Variants in CADPS observed in about 807,000 individuals in gnomAD.
CADPS encodes calcium-dependent secretion activator 1.
A neutral mutation model predicts 167.3 loss-of-function variants in CADPS; 57 were observed. The ratio of observed to expected loss-of-function variants is 0.34; its 90% CI spans 0.28 to 0.42. The LOEUF (loss-of-function observed/expected upper bound fraction) is 0.42, where lower values mean the gene tolerates loss of function less well. Ranked by LOEUF, CADPS falls within the 20% of genes least tolerant of loss-of-function variation. CADPS has a pLI of 1.00. For missense variants in CADPS, 1,414 were observed against 1,738.1 expected, an observed-to-expected ratio of 0.81 and a Z score of 3.32; for synonymous variants, 676 against 635.3, an observed-to-expected ratio of 1.06 and a Z score of -0.96.
intron 2 of CADPS, among the ~76,000 whole-genome samples, chr3:62,757,802 A>T (rs1231083724): frequency 3.9e-5 from 6 of 152,222 alleles, no homozygotes; most frequent in Non-Finnish European, 7.3e-5. Context: ...GGGAGGCCTC[A>T]CAATCATGGT....
At chr3:62,695,968 C>G (rs952831075) in intron 3 of CADPS, among the ~76,000 whole-genome samples, 4 of 152,022 alleles carry the variant, frequency 2.6e-5, no homozygotes, top group Non-Finnish European at 5.9e-5. Context: ...AACGCTCCCA[C>G]GTATACACGT....
chr3:62,698,582 T>C (rs947026729), intron 3 of CADPS, among the ~76,000 whole-genome samples: 2 of 152,036 alleles, frequency 1.3e-5, no homozygotes, highest in Non-Finnish European at 2.9e-5. Flanking sequence ...TTTCCTTAAG[T>C]AGAGTCATCA....
At chr3:62,770,729 A>T (rs1047778061) in intron 1 of CADPS, among the ~76,000 whole-genome samples, 1 of 152,202 alleles carries the variant, frequency 6.6e-6, no homozygotes. Context: ...CCCAATCGGT[A>T]TAAGAGATTC....
chr3:62,527,697 T>C (rs1196267967), intron 13 of CADPS, among the ~76,000 whole-genome samples: 2 of 152,164 alleles, frequency 1.3e-5, no homozygotes, highest in Non-Finnish European at 2.9e-5. Flanking sequence ...TCATTAATGA[T>C]TTCCAGCTGC....
At chr3:62,786,678 C>A (rs1400358909) in intron 1 of CADPS, among the ~76,000 whole-genome samples, 1 of 152,064 alleles carries the variant, frequency 6.6e-6, no homozygotes, top group African/African-American at 2.4e-5. Context: ...TGTGCACACA[C>A]ACACACAAAC....
chr3:62,804,878 AGAG>A (rs2152828355), intron 1 of CADPS, among the ~76,000 whole-genome samples: 1 of 152,268 alleles, frequency 6.6e-6, no homozygotes, highest in South Asian at 2.1e-4. Context: ...TATAATGGGA[AGAG>A]GAGGACAAAA....
intron 13 of CADPS, among the ~76,000 whole-genome samples, chr3:62,520,408 A>T (rs17066511): frequency 0.017 from 2,662 of 152,276 alleles, 69 homozygotes; most frequent in African/African-American, 0.059. Context: ...GATGATTCCC[A>T]TTTGTAATTA....
At chr3:62,575,872 G>A (rs2082166976) in intron 8 of CADPS, among the ~76,000 whole-genome samples, 1 of 152,202 alleles carries the variant, frequency 6.6e-6, no homozygotes, top group Non-Finnish European at 1.5e-5. Context: ...GTCTGCTTGA[G>A]GGAGGGGCTT....
At chr3:62,687,750 T>TTTTTTTTTTTC (rs2078335277) in intron 3 of CADPS, among the ~76,000 whole-genome samples, 1 of 142,480 alleles carries the variant, frequency 7.0e-6, no homozygotes, top group Non-Finnish European at 1.6e-5. Flanking sequence ...TTTTTTTTTT[T>TTTTTTTTTTTC]TTGCTTCTAT....
At chr3:62,652,544 C>T (rs1158216749) in intron 4 of CADPS, among the ~76,000 whole-genome samples, 7 of 152,084 alleles carry the variant, frequency 4.6e-5, no homozygotes, top group Middle Eastern at 3.4e-3. Flanking sequence ...ATTGAGACTG[C>T]AATTGGCTGG....
rs1331620811 is a variant in CADPS at position 62,602,008 on chromosome 3, C to T, written c.1326-9260G>A. On this transcript the variant is annotated intron_variant, in intron 6 of 29. Transcript: ENST00000383710. The surrounding 1 kb of genome is among the most constrained non-coding windows in gnomAD (Gnocchi z 4.4). The stretch of plus-strand genomic sequence containing the variant: ...TAAAGCCTCTTATTTGCGGAAGCCT[C>T]CTCAGACCATATGTTATCAACAAAT... Among the ~76,000 whole-genome samples, 3 of 152,106 alleles carry T rather than the reference C, an allele frequency of 2.0e-5. No homozygotes were observed. The highest frequency in any genetic ancestry group is 7.2e-5 in the African/African-American group (3 of 41,410).
intron 3 of CADPS, among the ~76,000 whole-genome samples, chr3:62,674,198 TC>T (rs537615690): frequency 2.0e-3 from 304 of 152,292 alleles, no homozygotes; most frequent in African/African-American, 7.2e-3. Context: ...AACATTCAGA[TC>T]TGTAAATCAC....
In CADPS at chr3:62,606,189, G is replaced by A. The variant is rs57458539; in HGVS notation, c.1326-13441C>T. Among the ~76,000 whole-genome samples the A allele has an allele frequency of 4.0e-3, 603 of 152,214 alleles. 2 individuals are homozygous for A. The highest frequency in any genetic ancestry group is 0.014 in the African/African-American group (584 of 41,540). On this transcript the variant is annotated intron_variant, in intron 6 of 29. Coordinates refer to ENST00000383710, the MANE Select transcript of CADPS (RefSeq NM_003716.4). ...CACTTGATGTTGGATTTGTTCATGC[G>A]ATTACTCCTTTTGGCCTCTGCTATG...
chr3:62,516,063 G>A lies in CADPS; in HGVS notation c.2577C>T (p.Ile859=), dbSNP rs1244251288. Residue 859 remains isoleucine (I), a synonymous_variant, in exon 16 of 30, where the codon ATC becomes ATT. Transcript: ENST00000383710. The stretch of plus-strand genomic sequence containing the variant: ...GGGGGCAGAAGGGAGCCTTACCTTC[G>A]ATTTTGGCATACTCTGAGAGCCGAG... ...NYSRLSEYAK[I]EENQKDAENV... 2.5e-6 allele frequency: 4 copies of A among 1,612,944 alleles called. No individual in the cohort carries two copies. Among genetic ancestry groups the A allele is most frequent in the Middle Eastern group, 3.3e-4 (2 of 6,048 alleles).
intron 6 of CADPS, among the ~76,000 whole-genome samples, chr3:62,638,337 T>A (rs1045877428): frequency 1.3e-5 from 2 of 152,162 alleles, no homozygotes; most frequent in Admixed American, 1.3e-4. Context: ...GAAATAACTC[T>A]ATGACATTCT....
intron 3 of CADPS, among the ~76,000 whole-genome samples, chr3:62,694,046 C>T (rs1047950897): frequency 3.9e-5 from 6 of 152,012 alleles, no homozygotes; most frequent in Admixed American, 2.0e-4. Flanking sequence ...CCCCAGTGCT[C>T]GCTCAATGGG....
chr3:62,409,756 T>C (rs1461253146), intron 28 of CADPS, among the ~76,000 whole-genome samples: 3 of 152,234 alleles, frequency 2.0e-5, no homozygotes, highest in Non-Finnish European at 4.4e-5. Context: ...GCTATAACGT[T>C]GATCAAAATT....
intron 6 of CADPS, among the ~76,000 whole-genome samples, chr3:62,607,938 G>A (rs2060917757): frequency 2.0e-5 from 3 of 152,216 alleles, no homozygotes; most frequent in African/African-American, 7.2e-5. Context: ...CTTCAGTAAG[G>A]ACTGAGGTGT....
chr3:62,717,684 A>G (rs2084948639), intron 3 of CADPS, among the ~76,000 whole-genome samples: 1 of 152,150 alleles, frequency 6.6e-6, no homozygotes, highest in South Asian at 2.1e-4. Flanking sequence ...TCAGATTCCT[A>G]CCTGGTCTCC....
Sources: allele counts gnomAD v4.1 joint callset (sites outside exome capture counted in the v4.1 genomes callset), GRCh38; gene constraint gnomAD v4.1.1; non-coding constraint Gnocchi (gnomAD v3.1); transcripts MANE v1.5; gene names NCBI Gene and HGNC (gene_info 2026-07-23, HGNC 2026-07-21).